PRR16: variants seen among roughly 807,000 people sequenced by gnomAD.
The protein encoded by PRR16 is proline rich 16.
In PRR16, 6 loss-of-function variants were observed where a neutral mutation model predicts 18.2. That is an observed-to-expected ratio of 0.33 (90% CI 0.18 to 0.65). The LOEUF (loss-of-function observed/expected upper bound fraction) is 0.65, where lower values mean the gene tolerates loss of function less well. Among genes scored for constraint, PRR16 ranks in the 30% least tolerant of loss-of-function variants. The pLI, the probability that PRR16 is intolerant of heterozygous loss-of-function variation, is 0.74. For synonymous variants in PRR16, 151 were observed against 147.8 expected, an observed-to-expected ratio of 1.02 and a Z score of -0.16; for missense variants, 412 against 376.6, an observed-to-expected ratio of 1.09 and a Z score of -0.78.
the PRR16 span, among the ~76,000 whole-genome samples, chr5:120,734,897 T>A: frequency 6.6e-6 from 1 of 152,238 alleles, no homozygotes; most frequent in African/African-American, 2.4e-5. Context: ...GACAAGTATT[T>A]GTTGGATGAA....
the PRR16 span, among the ~76,000 whole-genome samples, chr5:120,714,067 T>C: frequency 6.6e-6 from 1 of 152,110 alleles, no homozygotes; most frequent in Non-Finnish European, 1.5e-5. Context: ...TGTAATGTAA[T>C]GTCTTTTTTT....
intron 1 of PRR16, among the ~76,000 whole-genome samples, chr5:120,594,249 A>C (rs896283264): frequency 6.6e-6 from 1 of 151,850 alleles, no homozygotes; most frequent in African/African-American, 2.4e-5. Context: ...ATATCTAGAA[A>C]ACCCCATAGT....
intron 1 of PRR16, among the ~76,000 whole-genome samples, chr5:120,621,616 A>G (rs1561578323): frequency 6.6e-6 from 1 of 152,034 alleles, no homozygotes; most frequent in African/African-American, 2.4e-5. Flanking sequence ...GTGGGGGTAA[A>G]TGGATTATGG....
chr5:120,776,725 G>C, the PRR16 span, among the ~76,000 whole-genome samples: 3 of 152,030 alleles, frequency 2.0e-5, no homozygotes, highest in Non-Finnish European at 2.9e-5. Context: ...ATTTGTATTT[G>C]TACTTCATTG....
At chr5:120,489,009 C>T (rs1428605296) in intron 1 of PRR16, among the ~76,000 whole-genome samples, 1 of 152,170 alleles carries the variant, frequency 6.6e-6, no homozygotes, top group Non-Finnish European at 1.5e-5. Flanking sequence ...GCACTGTGGT[C>T]TGAGAGACAG....
chr5:120,708,864 T>C, the PRR16 span, among the ~76,000 whole-genome samples: 1 of 152,110 alleles, frequency 6.6e-6, no homozygotes, highest in Non-Finnish European at 1.5e-5. Flanking sequence ...TGGGCCATTC[T>C]TAATTGATCA....
At chr5:120,609,085 C>CT (rs76926810) in intron 1 of PRR16, among the ~76,000 whole-genome samples, 8,928 of 151,130 alleles carry the variant, frequency 0.059, 338 homozygotes, top group South Asian at 0.09. Context: ...AAGAGATGTT[C>CT]TTTTTTTTTC....
At chr5:120,730,580 C>T in the PRR16 span, among the ~76,000 whole-genome samples, 1 of 151,984 alleles carries the variant, frequency 6.6e-6, no homozygotes, top group East Asian at 1.9e-4. Context: ...ACTGGCTCTT[C>T]AGAGACCAAA....
At chr5:120,501,668 G>A (rs1212733510) in intron 1 of PRR16, among the ~76,000 whole-genome samples, 1 of 152,062 alleles carries the variant, frequency 6.6e-6, no homozygotes, top group Non-Finnish European at 1.5e-5. Context: ...ATGTAGTCCA[G>A]TTGCTCATAA....
chr5:120,680,447 G>C lies in PRR16; in HGVS notation c.160-5507G>C, dbSNP rs149466466. ...TTGCTAACACAATCACTTGTTAATAGATATTTAGGTTGTTTCCAATTTCTT... is the reference window on the plus strand; with the variant it reads ...TTGCTAACACAATCACTTGTTAATACATATTTAGGTTGTTTCCAATTTCTT... On this transcript the variant is annotated intron_variant, in intron 1 of 1. Coordinates refer to ENST00000407149, the MANE Select transcript of PRR16 (RefSeq NM_001300783.2). Among the ~76,000 whole-genome samples the C allele has an allele frequency of 7.1e-3, 1,073 of 152,082 alleles. 12 individuals carry two copies. Among genetic ancestry groups the C allele is most frequent in the African/African-American group, 0.023 (961 of 41,512 alleles).
intron 1 of PRR16, among the ~76,000 whole-genome samples, chr5:120,522,346 T>C (rs187688014): frequency 6.6e-6 from 1 of 152,180 alleles, no homozygotes; most frequent in Non-Finnish European, 1.5e-5. Context: ...GTTTCCTGAC[T>C]TTTTAATGAT....
At chr5:120,470,113 A>G (rs954495333) in intron 1 of PRR16, among the ~76,000 whole-genome samples, 1 of 152,184 alleles carries the variant, frequency 6.6e-6, no homozygotes, top group African/African-American at 2.4e-5. Context: ...ATTTTCCCAA[A>G]CTATAGAACT....
chr5:120,634,367 G>C (rs1755157674), intron 1 of PRR16, among the ~76,000 whole-genome samples: 1 of 152,158 alleles, frequency 6.6e-6, no homozygotes, highest in Admixed American at 6.5e-5. Flanking sequence ...AAGAGGGCCG[G>C]GCATGGTGGT....
intron 1 of PRR16, among the ~76,000 whole-genome samples, chr5:120,585,455 T>C (rs963555676): frequency 6.6e-6 from 1 of 151,764 alleles, no homozygotes; most frequent in Non-Finnish European, 1.5e-5. Context: ...ACTAAAAATA[T>C]AAAAATTATA....
At chr5:120,688,003 A>G (rs1757167478), downstream of PRR16, among the ~76,000 whole-genome samples, 1 of 152,214 alleles carries the variant, frequency 6.6e-6, no homozygotes, top group Admixed American at 6.5e-5. Flanking sequence ...TAGTGGTAAG[A>G]GTAGAGGGAG....
At chr5:120,629,409 T>A (rs942143770) in intron 1 of PRR16, among the ~76,000 whole-genome samples, 17 of 152,112 alleles carry the variant, frequency 1.1e-4, no homozygotes, top group African/African-American at 3.1e-4. Flanking sequence ...TGAGCATTAT[T>A]TCTAAATATG....
At chr5:120,775,715 C>T in the PRR16 span, among the ~76,000 whole-genome samples, 1 of 150,596 alleles carries the variant, frequency 6.6e-6, no homozygotes, top group Admixed American at 6.6e-5. Flanking sequence ...ATGGCAACCT[C>T]CACCTCTCAG....
At position 120,595,527 on chromosome 5, in the gene PRR16, G is replaced by A. The variant is rs114805152; in HGVS notation, c.160-90427G>A. ...AGTGTAAATTAGTTCAACCATTGTC[G>A]GAAGTAGTGTGACAATTTATGAGGG... is the stretch of plus-strand genomic sequence containing the variant. On this transcript the variant is annotated intron_variant, in intron 1 of 1. Coordinates refer to ENST00000407149, the MANE Select transcript of PRR16 (RefSeq NM_001300783.2). Among the ~76,000 whole-genome samples the A allele has an allele frequency of 6.4e-3, 979 of 151,898 alleles. 15 individuals are homozygous for A. The highest frequency in any genetic ancestry group is 0.021 in the African/African-American group (888 of 41,466).
Position 120,686,151 on chromosome 5 carries a change from GC to G in PRR16, c.359del (p.Pro120GlnfsTer10). 1 of 1,614,116 alleles carries G rather than the reference GC, an allele frequency of 6.2e-7. No homozygotes were observed. Among genetic ancestry groups the G allele is most frequent in the Non-Finnish European group, 8.5e-7 (1 of 1,180,020 alleles). Reference sequence around the variant, plus strand: ...CTGCTATCCTCACGGTCCTGAGAAAGCCAAACCCTCCACCACCTCCTCCAAG... The same window carrying G: ...CTGCTATCCTCACGGTCCTGAGAAAGCAAACCCTCCACCACCTCCTCCAAG... ...PSAILTVLRK[P>X]NPPPPPPRLT... On this transcript the variant is annotated frameshift_variant, in exon 2 of 2. Transcript: ENST00000407149. LOFTEE classifies it high-confidence loss of function.
Sources: allele counts gnomAD v4.1 joint callset (sites outside exome capture counted in the v4.1 genomes callset), GRCh38; gene constraint gnomAD v4.1.1; transcripts MANE v1.5; gene names NCBI Gene and HGNC (gene_info 2026-07-23, HGNC 2026-07-21).